The following ATP10B variants were observed in gnomAD, a reference collection of about 807,000 sequenced individuals.
ATP10B encodes the protein phospholipid-transporting ATPase VB.
ATP10B carries 122 observed loss-of-function variants against 141.2 expected under a neutral mutation model. The ratio of observed to expected loss-of-function variants is 0.86; its 90% CI spans 0.75 to 1.00. The LOEUF is 1.00. Among genes scored for constraint, ATP10B ranks in the 50% least tolerant of loss-of-function variants. ATP10B has a pLI of 0.00. For missense variants in ATP10B, 1,876 were observed against 1,825.3 expected, an observed-to-expected ratio of 1.03 and a Z score of -0.51; for synonymous variants, 685 against 692.0, an observed-to-expected ratio of 0.99 and a Z score of 0.16.
chr5:160,886,542 C>T, the ATP10B span, among the ~76,000 whole-genome samples: 11 of 152,252 alleles, frequency 7.2e-5, no homozygotes, highest in Admixed American at 4.6e-4. Context: ...GCCTTAAAAA[C>T]CCGGCAAGGT....
chr5:160,715,712 A>ATTTG (rs1269262247), intron 3 of ATP10B, among the ~76,000 whole-genome samples: 1 of 150,542 alleles, frequency 6.6e-6, no homozygotes, highest in East Asian at 1.9e-4. Context: ...TTATTTATTT[A>ATTTG]TTTATTTATT....
chr5:160,620,775 C>G lies in ATP10B; in HGVS notation c.1988G>C (p.Arg663Thr). 6.2e-7 allele frequency: 1 copy of G among 1,614,246 alleles called. No homozygotes were observed. Among genetic ancestry groups the G allele is most frequent in the Admixed American group, 1.7e-5 (1 of 60,032 alleles). ...TCCACTGCACACAGATGCATCATCTCTCTCATCCGAGTCTGTGGTGGCCAC... is the reference window on the plus strand; with the variant it reads ...TCCACTGCACACAGATGCATCATCTGTCTCATCCGAGTCTGTGGTGGCCAC... Reference protein sequence around the residue: ...ANVATTDSDERDDASVCSGGD... With the variant: ...ANVATTDSDETDDASVCSGGD... The change falls in exon 15 of 26, where the codon AGA (arginine) becomes ACA (threonine). Residue 663 changes from arginine to threonine, a missense_variant. Transcript: ENST00000327245.
At chr5:160,641,919 G>A (rs1759894628) in intron 9 of ATP10B, among the ~76,000 whole-genome samples, 1 of 152,204 alleles carries the variant, frequency 6.6e-6, no homozygotes, top group Non-Finnish European at 1.5e-5. Flanking sequence ...TGCTGCAGTT[G>A]TGAGCAGGGG....
the ATP10B span, among the ~76,000 whole-genome samples, chr5:160,909,874 G>A: frequency 1.3e-5 from 2 of 152,184 alleles, no homozygotes; most frequent in African/African-American, 4.8e-5. Context: ...CATGGAAGCT[G>A]CCGGTTGTAG....
rs1581361561 is a variant in ATP10B, at chr5:160,688,912, C to T, written c.-173G>A. 1 of 985,372 alleles carries T rather than the reference C, an allele frequency of 1.0e-6. No homozygotes were observed. The allele number at this position is 985,372 out of a possible 1,614,324, so 61.0% of individuals were successfully genotyped here. ...GGCTGGAGTTGGGGATAGGGGATCC[C>T]TTTTCTTTTTCTCCACTCCATTTGG... On this transcript the variant is annotated 5_prime_UTR_variant, in exon 4 of 26. Transcript: ENST00000327245.
chr5:160,857,585 TTC>T, the ATP10B span, among the ~76,000 whole-genome samples: 1 of 151,792 alleles, frequency 6.6e-6, no homozygotes, highest in East Asian at 1.9e-4. Context: ...TTTTCTATAT[TTC>T]TGAGATGGAA....
intron 7 of ATP10B, among the ~76,000 whole-genome samples, chr5:160,662,975 G>A (rs145343185): frequency 2.6e-5 from 4 of 152,138 alleles, no homozygotes; most frequent in Non-Finnish European, 5.9e-5. Flanking sequence ...ACAAGTGAGC[G>A]AAGGATATGA....
intron 2 of ATP10B, among the ~76,000 whole-genome samples, chr5:160,756,712 G>C (rs1047986441): frequency 4.6e-5 from 7 of 150,688 alleles, no homozygotes; most frequent in African/African-American, 1.7e-4. Context: ...ATGGTTGTGG[G>C]TACATAGTAG....
intron 1 of ATP10B, among the ~76,000 whole-genome samples, chr5:160,796,228 ACT>A (rs749492271): frequency 6.6e-6 from 1 of 151,834 alleles, no homozygotes; most frequent in Admixed American, 6.6e-5. Context: ...TTCCCTGAGA[ACT>A]CTCTTTTCCA....
In ATP10B at chr5:160,636,212, G is replaced by T; in HGVS notation, c.1098C>A (p.Tyr366Ter). ...GCAGGATGATCATTGTGAGGAACATGTAGAAGCCCCCAAGGGCACTGGGAA... is the reference window on the plus strand; with the variant it reads ...GCAGGATGATCATTGTGAGGAACATTTAGAAGCCCCCAAGGGCACTGGGAA... ...SFLPSALGGF[Y>*]MFLTMIILLQ... Residue 366 changes from tyrosine to a stop codon, truncating the protein, a stop_gained, in exon 11 of 26, where the codon TAC becomes TAA. Transcript: ENST00000327245. LOFTEE classifies it high-confidence loss of function. 3.1e-6 allele frequency: 5 copies of T among 1,613,152 alleles called. No individual in the cohort carries two copies. The highest frequency in any genetic ancestry group is 3.3e-4 in the Middle Eastern group (2 of 6,056).
rs762527331 is a variant in ATP10B, at chr5:160,565,868, C to T, written c.3971G>A (p.Gly1324Glu). 4 of 1,612,982 alleles carry T rather than the reference C, an allele frequency of 2.5e-6. No homozygotes were observed. The highest frequency in any genetic ancestry group is 4.5e-5 in the East Asian group (2 of 44,868). The change falls in exon 26 of 26, where the codon GGG (glycine) becomes GAG (glutamate). Residue 1324 changes from glycine (G) to glutamate (E), a missense_variant. Transcript: ENST00000327245. ...YFFLSLQGTC[G>E]KSLISKAQKI... ...CTGAGCTTTTGAGATTAGAGACTTCCCACAAGTTCCTTGCAGAGACAGGAA... is the reference window on the plus strand; with the variant it reads ...CTGAGCTTTTGAGATTAGAGACTTCTCACAAGTTCCTTGCAGAGACAGGAA...
chr5:160,774,299 G>T (rs945392118), intron 2 of ATP10B, among the ~76,000 whole-genome samples: 3 of 152,196 alleles, frequency 2.0e-5, no homozygotes, highest in African/African-American at 7.2e-5. Context: ...CAGCCTCCAG[G>T]CGTTATCACA....
the ATP10B span, among the ~76,000 whole-genome samples, chr5:160,866,894 C>G: frequency 6.6e-6 from 1 of 151,866 alleles, no homozygotes; most frequent in African/African-American, 2.4e-5. Flanking sequence ...ATAGAAGTAG[C>G]AAGAGATTTA....
At chr5:160,833,149 T>C (rs1233441335) in intron 1 of ATP10B, among the ~76,000 whole-genome samples, 1 of 152,136 alleles carries the variant, frequency 6.6e-6, no homozygotes, top group Non-Finnish European at 1.5e-5. Flanking sequence ...GAAAACTGTT[T>C]ACAGAACTAG....
chr5:160,848,231 G>C (rs149788702), intron 1 of ATP10B, among the ~76,000 whole-genome samples: 41 of 152,294 alleles, frequency 2.7e-4, no homozygotes, highest in African/African-American at 9.6e-4. Flanking sequence ...AGGCCACACA[G>C]AAACCTGACT....
chr5:160,735,211 G>T (rs56781763), intron 2 of ATP10B, among the ~76,000 whole-genome samples: 17,204 of 150,866 alleles, frequency 0.11, 1,082 homozygotes, highest in African/African-American at 0.17. Flanking sequence ...AAACATACAG[G>T]GCCTGAATGG....
chr5:160,845,930 C>T (rs1776091413), intron 1 of ATP10B, among the ~76,000 whole-genome samples: 4 of 152,020 alleles, frequency 2.6e-5, no homozygotes, highest in Admixed American at 2.6e-4. Flanking sequence ...TATGAATGCC[C>T]CAAGTACTAT....
At chr5:160,571,432 C>A (rs539749359) in intron 24 of ATP10B, among the ~76,000 whole-genome samples, 1 of 152,212 alleles carries the variant, frequency 6.6e-6, no homozygotes, top group East Asian at 1.9e-4. Flanking sequence ...GTTTACCAAT[C>A]CCTGCAGATA....
chr5:160,798,388 C>T (rs560206838), intron 1 of ATP10B, among the ~76,000 whole-genome samples: 45 of 152,244 alleles, frequency 3.0e-4, no homozygotes, highest in Non-Finnish European at 5.4e-4. Flanking sequence ...GTAGAGTGGG[C>T]CCTAACCCAA....
Sources: gnomAD v4.1 joint callset for allele counts (sites outside exome capture counted in the v4.1 genomes callset) on GRCh38, gnomAD v4.1.1 for gene constraint, MANE v1.5 for transcripts, NCBI Gene and HGNC (gene_info 2026-07-23, HGNC 2026-07-21) for gene names.